DLGAP2: variants seen among roughly 807,000 people sequenced by gnomAD.
DLGAP2 encodes the protein DLG associated protein 2.
A neutral mutation model predicts 100.3 loss-of-function variants in DLGAP2; 26 were observed. The observed-to-expected ratio is 0.26, with a 90% CI of 0.19 to 0.36. The LOEUF is 0.36. Among genes scored for constraint, DLGAP2 ranks in the 10% least tolerant of loss-of-function variants. The probability of loss-of-function intolerance (pLI) is 1.00; values close to 1 mark genes in which losing one functional copy is unlikely to be tolerated. For synonymous variants in DLGAP2, 886 were observed against 630.1 expected (o/e 1.41, Z -6.08); for missense variants, 1,858 against 1,453.2 (o/e 1.28, Z -4.53).
chr8:781,070 A>G (rs1821673516), intron 1 of DLGAP2, among the ~76,000 whole-genome samples: 1 of 152,230 alleles, frequency 6.6e-6, no homozygotes, highest in African/African-American at 2.4e-5. Context: ...AAATATGTAT[A>G]GATAACCCCT....
intron 1 of DLGAP2, among the ~76,000 whole-genome samples, chr8:801,846 G>T (rs1458769283): frequency 6.6e-6 from 1 of 152,088 alleles, no homozygotes; most frequent in African/African-American, 2.4e-5. Flanking sequence ...CACCCAGGTG[G>T]CTGTGCCCTT....
chr8:808,453 C>A (rs997251885), intron 1 of DLGAP2, among the ~76,000 whole-genome samples: 1 of 152,146 alleles, frequency 6.6e-6, no homozygotes, highest in African/African-American at 2.4e-5. Flanking sequence ...GGGAGTAGCC[C>A]CTGGAAGGAC....
chr8:1,445,538 C>T (rs1358897165), intron 3 of DLGAP2, among the ~76,000 whole-genome samples: 9 of 151,882 alleles, frequency 5.9e-5, no homozygotes, highest in Admixed American at 1.3e-4. Flanking sequence ...TGAATAGTGC[C>T]GCAATAAACA....
intron 2 of DLGAP2, among the ~76,000 whole-genome samples, chr8:1,065,324 A>G (rs1329319368): frequency 1.3e-5 from 2 of 152,260 alleles, no homozygotes; most frequent in African/African-American, 2.4e-5. Flanking sequence ...CGCATTTTTC[A>G]TATGACTAGC....
At chr8:1,526,332 G>C (rs915706572) in intron 4 of DLGAP2, among the ~76,000 whole-genome samples, 3 of 151,888 alleles carry the variant, frequency 2.0e-5, no homozygotes, top group Admixed American at 2.0e-4. Context: ...CACGCCTACC[G>C]GCAGGGCTGA....
rs1799422524 is a variant in DLGAP2 at position 1,697,221 on chromosome 8, G to A, written c.2871G>A (p.Glu957=). ...GYWDMLQLSI[E]DVSMKFDELQ... is the part of the protein sequence containing the mutation. ...GGGACATGCTGCAGCTCTCCATTGA[G>A]GACGTCAGCATGAAGTTCGACGAGC... Residue 957 remains glutamate (E), a synonymous_variant, in exon 14 of 15, where the codon GAG becomes GAA. Transcript: ENST00000637795. The A allele has an allele frequency of 2.5e-6, 4 of 1,611,922 alleles. No individual in the cohort carries two copies. Among genetic ancestry groups the A allele is most frequent in the Non-Finnish European group, 3.4e-6 (4 of 1,178,988 alleles).
At chr8:964,601 G>C (rs192380593) in intron 2 of DLGAP2, among the ~76,000 whole-genome samples, 1 of 152,258 alleles carries the variant, frequency 6.6e-6, no homozygotes, top group Non-Finnish European at 1.5e-5. Flanking sequence ...GCCAGAGAGC[G>C]TGGCAAGTGT....
In DLGAP2 at chr8:898,113, C is replaced by T. The variant is rs186225278; in HGVS notation, c.19-9799C>T. ...AAACATGTATCAGGTCTACGATACC[C>T]GTACAAGTGGGCAGTAAACCGTACA... On this transcript the variant is annotated intron_variant, in intron 1 of 14. Transcript: ENST00000637795. 2.0e-5 allele frequency among the ~76,000 whole-genome samples: 3 copies of T among 152,296 alleles called. No individual in the cohort carries two copies. The East Asian group carries it at 5.8e-4, about 29-fold the overall frequency.
chr8:1,550,282 G>A (rs192696500), intron 5 of DLGAP2, among the ~76,000 whole-genome samples: 2 of 152,146 alleles, frequency 1.3e-5, no homozygotes, highest in South Asian at 2.1e-4. Context: ...GAGGATTGAC[G>A]GCACGCTATG....
intron 3 of DLGAP2, among the ~76,000 whole-genome samples, chr8:1,318,931 C>T (rs1795663421): frequency 6.6e-6 from 1 of 152,036 alleles, no homozygotes; most frequent in East Asian, 1.9e-4. Flanking sequence ...TAACTCAAAA[C>T]GCTCAGCATG....
intron 3 of DLGAP2, among the ~76,000 whole-genome samples, chr8:1,380,507 T>G (rs1003871419): frequency 6.6e-6 from 1 of 151,774 alleles, no homozygotes; most frequent in Non-Finnish European, 1.5e-5. Context: ...ACAAAAGACT[T>G]GTGATAAGCG....
rs1563164912 is a variant in DLGAP2, at chr8:1,464,331, C to CAGCTCCCTTCCA, written c.107-37035_107-37034insAGCTCCCTTCCA. Reference sequence around the variant, plus strand: ...CTTCCAGGACAACGCCCTTCCAGGACGGCACCCTTCCAGGACGGCACCCTT... The same window carrying CAGCTCCCTTCCA: ...CTTCCAGGACAACGCCCTTCCAGGACAGCTCCCTTCCAGGCACCCTTCCAGGACGGCACCCTT... On this transcript the variant is annotated intron_variant, in intron 3 of 14. Transcript: ENST00000637795. Among the ~76,000 whole-genome samples, 79 of 80,580 alleles carry CAGCTCCCTTCCA rather than the reference C, an allele frequency of 9.8e-4. 11 individuals carry two copies. The highest frequency in any genetic ancestry group is 3.3e-3 in the African/African-American group (68 of 20,692). The allele number at this position is 80,580 out of a possible 152,430, so 52.9% of individuals were successfully genotyped here. A position where few individuals can be genotyped will look rare whatever the true frequency, so the allele number is the denominator to read the frequency against.
chr8:976,364 C>G (rs111328997), intron 2 of DLGAP2, among the ~76,000 whole-genome samples: 3 of 152,196 alleles, frequency 2.0e-5, no homozygotes, highest in Non-Finnish European at 4.4e-5. Flanking sequence ...GTAATCCTAG[C>G]ACTTTGGGAG....
At chr8:878,167 A>G (rs1035610981) in intron 1 of DLGAP2, among the ~76,000 whole-genome samples, 2 of 152,200 alleles carry the variant, frequency 1.3e-5, no homozygotes, top group Admixed American at 6.5e-5. Flanking sequence ...AGAGACTTGA[A>G]TATATTTAAG....
At chr8:1,139,637 C>A (rs553169535) in intron 2 of DLGAP2, among the ~76,000 whole-genome samples, 2 of 152,164 alleles carry the variant, frequency 1.3e-5, no homozygotes, top group Non-Finnish European at 2.9e-5. Context: ...CCACAGGTCA[C>A]TAATTAACAT....
chr8:1,291,739 T>C (rs1800064233), intron 3 of DLGAP2, among the ~76,000 whole-genome samples: 1 of 152,134 alleles, frequency 6.6e-6, no homozygotes. Context: ...CAGTGTGCTT[T>C]GGACCCCAAC....
intron 2 of DLGAP2, among the ~76,000 whole-genome samples, chr8:1,108,968 T>A (rs1299548748): frequency 2.9e-5 from 4 of 138,792 alleles, no homozygotes; most frequent in Non-Finnish European, 6.1e-5. Context: ...CTGTGAGGTG[T>A]GTACGGGTCT....
At chr8:795,365 C>T (rs1442917481) in intron 1 of DLGAP2, among the ~76,000 whole-genome samples, 5 of 152,200 alleles carry the variant, frequency 3.3e-5, no homozygotes, top group Non-Finnish European at 5.9e-5. Context: ...TTCTCTAACA[C>T]GTGTTTTCTC....
intron 3 of DLGAP2, among the ~76,000 whole-genome samples, chr8:1,272,821 C>T (rs1321825224): frequency 1.3e-5 from 2 of 152,152 alleles, no homozygotes; most frequent in African/African-American, 4.8e-5. Flanking sequence ...AGCTGCCGGC[C>T]TGCAAGTCCC....
Sources: allele counts gnomAD v4.1 joint callset (sites outside exome capture counted in the v4.1 genomes callset), GRCh38; gene constraint gnomAD v4.1.1; transcripts MANE v1.5; gene names NCBI Gene and HGNC (gene_info 2026-07-23, HGNC 2026-07-21).